Variants in EPHB1 observed in about 807,000 individuals in gnomAD.
The protein encoded by EPHB1 is EPH receptor B1.
In EPHB1, 30 loss-of-function variants were observed where a neutral mutation model predicts 94.4. The ratio of observed to expected loss-of-function variants is 0.32; its 90% confidence interval spans 0.24 to 0.43. EPHB1 has a LOEUF of 0.43. EPHB1 is among the 20% of genes least tolerant of loss of function. The probability of loss-of-function intolerance (pLI) is 1.00; values close to 1 mark genes in which losing one functional copy is unlikely to be tolerated. For missense variants in EPHB1, 1,055 were observed against 1,308.3 expected (o/e 0.81, Z 2.99); for synonymous variants, 522 against 489.1 (o/e 1.07, Z -0.89).
intron 12 of EPHB1, among the ~76,000 whole-genome samples, chr3:135,216,123 C>A (rs1313537678): frequency 1.3e-5 from 2 of 152,174 alleles, no homozygotes; most frequent in Admixed American, 1.3e-4. Context: ...AACACCTGTG[C>A]TGTGACTCAA....
chr3:135,242,664 G>A (rs1943814466), intron 13 of EPHB1, among the ~76,000 whole-genome samples: 1 of 152,200 alleles, frequency 6.6e-6, no homozygotes, highest in South Asian at 2.1e-4. Flanking sequence ...CCTTGCCTCT[G>A]CTCCTGAAGC....
At chr3:134,995,560 T>G (rs939651630) in intron 3 of EPHB1, among the ~76,000 whole-genome samples, 15 of 152,164 alleles carry the variant, frequency 9.9e-5, no homozygotes, top group African/African-American at 3.4e-4. Context: ...ATTAGAAAAG[T>G]ACAAATTAAG....
chr3:135,022,938 T>A (rs1000561634), intron 3 of EPHB1, among the ~76,000 whole-genome samples: 5 of 152,228 alleles, frequency 3.3e-5, no homozygotes, highest in African/African-American at 1.2e-4. Context: ...TTGAAGTGTG[T>A]TTGTTGCTCC....
intron 12 of EPHB1, among the ~76,000 whole-genome samples, chr3:135,223,629 C>T (rs570247852): frequency 1.3e-5 from 2 of 152,206 alleles, no homozygotes; most frequent in African/African-American, 4.8e-5. Context: ...ATTTATTATC[C>T]GTATTTGAAG....
At position 135,132,760 on chromosome 3, in the gene EPHB1, G is replaced by A. The variant is rs759815434; in HGVS notation, c.1008G>A (p.Thr336=). The A allele has an allele frequency of 5.0e-6, 8 of 1,610,282 alleles. No individual in the cohort carries two copies. The African/African-American group carries it at 8.0e-5, about 16-fold the overall frequency. ...ATGTTATCTCCATCGTCAATGAGAC[G>A]TCCATCATTCTGGAGTGGCACCCTC... ...PRNVISIVNE[T]SIILEWHPPR... Residue 336 remains threonine (T), a synonymous_variant, in exon 5 of 16, where the codon ACG becomes ACA. Coordinates refer to ENST00000398015, the MANE Select transcript of EPHB1 (RefSeq NM_004441.5).
chr3:134,810,494 A>G (rs1679845294), intron 1 of EPHB1, among the ~76,000 whole-genome samples: 3 of 152,190 alleles, frequency 2.0e-5, no homozygotes, highest in Admixed American at 6.5e-5. Flanking sequence ...AACAACGCTC[A>G]TTCTACAGGA....
intron 3 of EPHB1, among the ~76,000 whole-genome samples, chr3:135,022,624 A>T (rs1045610395): frequency 5.9e-5 from 9 of 152,212 alleles, no homozygotes; most frequent in African/African-American, 1.7e-4. Flanking sequence ...AAAAAGTATT[A>T]AATTTGCTGG....
chr3:134,902,675 T>A (rs1169261584), intron 1 of EPHB1, among the ~76,000 whole-genome samples: 1 of 152,240 alleles, frequency 6.6e-6, no homozygotes, highest in East Asian at 1.9e-4. Flanking sequence ...CTGTATTTCA[T>A]ATAGCCTTCT....
At chr3:135,195,450 C>T (rs532574196) in intron 11 of EPHB1, among the ~76,000 whole-genome samples, 1 of 151,820 alleles carries the variant, frequency 6.6e-6, no homozygotes, top group African/African-American at 2.4e-5. Context: ...CGTCATCTAG[C>T]ATTAGGTATA....
chr3:134,931,826 T>C (rs1022385900), intron 2 of EPHB1, among the ~76,000 whole-genome samples: 1 of 152,222 alleles, frequency 6.6e-6, no homozygotes, highest in Non-Finnish European at 1.5e-5. Context: ...TATATATGTA[T>C]ATATGTGTGT....
At position 135,260,449 on chromosome 3, in the gene EPHB1, T is replaced by C. The variant is rs898684696; in HGVS notation, c.*1329T>C. 2.3e-5 allele frequency: 5 copies of C among 221,324 alleles called. No individual in the cohort carries two copies. Among genetic ancestry groups the C allele is most frequent in the Non-Finnish European group, 4.5e-5 (5 of 110,386 alleles). The allele number at this position is 221,324 out of a possible 1,614,324, so 13.7% of individuals were successfully genotyped here. ...TGTCTAATTAAAAAGAGCAGAAGCA[T>C]GTCTGGGTTTACGTAAAATGGTGTC... On this transcript the variant is annotated 3_prime_UTR_variant, in exon 16 of 16. Transcript: ENST00000398015.
intron 11 of EPHB1, among the ~76,000 whole-genome samples, chr3:135,200,071 C>T (rs963292134): frequency 1.3e-5 from 2 of 152,148 alleles, no homozygotes; most frequent in Non-Finnish European, 2.9e-5. Context: ...TTCCATCTCT[C>T]CTCCAGTCAG....
intron 3 of EPHB1, among the ~76,000 whole-genome samples, chr3:135,102,409 C>G (rs1287081354): frequency 6.6e-6 from 1 of 152,138 alleles, no homozygotes; most frequent in African/African-American, 2.4e-5. Flanking sequence ...CAAGTTAAAG[C>G]TGCTTTTTCT....
chr3:135,121,099 C>T (rs1939941666), intron 4 of EPHB1, among the ~76,000 whole-genome samples: 1 of 152,186 alleles, frequency 6.6e-6, no homozygotes, highest in African/African-American at 2.4e-5. Context: ...CTCATCAGTG[C>T]CTAGTATCCA....
At chr3:134,899,414 C>T (rs1207673708) in intron 1 of EPHB1, among the ~76,000 whole-genome samples, 1 of 152,202 alleles carries the variant, frequency 6.6e-6, no homozygotes, top group Non-Finnish European at 1.5e-5. Flanking sequence ...CCAGATCTTG[C>T]ATGCTTCAGT....
intron 2 of EPHB1, among the ~76,000 whole-genome samples, chr3:134,931,841 G>A (rs753989611): frequency 4.6e-5 from 7 of 151,934 alleles, no homozygotes; most frequent in Non-Finnish European, 8.8e-5. Context: ...GTGTGTCTAT[G>A]TTTGTACATA....
chr3:135,242,559 C>T (rs1273730737), intron 13 of EPHB1, among the ~76,000 whole-genome samples: 1 of 152,176 alleles, frequency 6.6e-6, no homozygotes, highest in Non-Finnish European at 1.5e-5. Flanking sequence ...AGAGTGGCTC[C>T]AGCCTGGAGT....
At chr3:135,123,895 G>A (rs9817176) in intron 4 of EPHB1, among the ~76,000 whole-genome samples, 2,905 of 151,604 alleles carry the variant, frequency 0.019, 51 homozygotes, top group Non-Finnish European at 0.029. Context: ...CTCCTGATTG[G>A]TCTACCTTCT....
intron 10 of EPHB1, among the ~76,000 whole-genome samples, chr3:135,181,797 G>T (rs141183963): frequency 1.3e-5 from 2 of 152,194 alleles, no homozygotes; most frequent in Non-Finnish European, 2.9e-5. Flanking sequence ...ACAATTGATA[G>T]TTCTGCCCCA....
Sources: allele counts gnomAD v4.1 joint callset (sites outside exome capture counted in the v4.1 genomes callset), GRCh38; gene constraint gnomAD v4.1.1; transcripts MANE v1.5; gene names NCBI Gene and HGNC (gene_info 2026-07-23, HGNC 2026-07-21).